CD163L1: variants seen among roughly 807,000 people sequenced by gnomAD.
CD163L1 encodes the protein CD163 molecule like 1.
Under a neutral mutation model 165.4 loss-of-function variants are expected in CD163L1, and 124 were observed. The ratio of observed to expected loss-of-function variants is 0.75; its 90% CI spans 0.65 to 0.87. The LOEUF is 0.87. CD163L1 is among the 40% of genes least tolerant of loss of function. The pLI is 0.00. For missense variants in CD163L1, 1,525 were observed against 1,799.9 expected (o/e 0.85, Z 2.76); for synonymous variants, 585 against 662.2 (o/e 0.88, Z 1.79).
At chr12:7,327,087 C>A in the CD163L1 span, 2 of 1,603,470 alleles carry the variant, frequency 1.2e-6, no homozygotes, top group South Asian at 1.1e-5. Context: ...TTACAAATAT[C>A]CAAGAAAGGC....
At chr12:7,357,984 T>C (rs1216027582) in intron 18 of CD163L1, among the ~76,000 whole-genome samples, 1 of 152,116 alleles carries the variant, frequency 6.6e-6, no homozygotes, top group Non-Finnish European at 1.5e-5. Context: ...GAACTTCTAG[T>C]TTCCCATGAA....
chr12:7,375,379 T>G lies in CD163L1; in HGVS notation c.2903A>C (p.His968Pro). 2.5e-6 allele frequency: 4 copies of G among 1,614,186 alleles called. No homozygotes were observed. The highest frequency in any genetic ancestry group is 3.4e-6 in the Non-Finnish European group (4 of 1,180,040). Residue 968 changes from histidine to proline, a missense_variant, in exon 11 of 20, where the codon CAT becomes CCT. His to Pro is a moderately conservative substitution (Grantham distance 77, BLOSUM62 -2). Transcript: ENST00000313599. The part of the protein sequence containing the change: ...RSVRVWGHRF[H>P]CLGNESLLDN... ...CAGAAGTGACTCATTCCCTAAGCAA[T>G]GAAACCTGTGTCCCCACACACGAAC...
rs747175872 is a variant in CD163L1 at position 7,374,449 on chromosome 12, G to A, written c.3402C>T (p.Ile1134=). 5 of 1,611,202 alleles carry A rather than the reference G, an allele frequency of 3.1e-6. No homozygotes were observed. The highest frequency in any genetic ancestry group is 4.2e-6 in the Non-Finnish European group (5 of 1,178,544). ...DCRHKEDAGV[I]CSEFTALRLY... is the part of the protein sequence containing the mutation. The stretch of plus-strand genomic sequence containing the variant: ...AAAGGTAGCAGCACAGACCTGAGCA[G>A]ATGACCCCTGCGTCCTCCTTGTGCC... Residue 1134 remains isoleucine, a synonymous_variant, in exon 13 of 20, where the codon ATC becomes ATT. Coordinates refer to ENST00000313599, the MANE Select transcript of CD163L1 (RefSeq NM_174941.6). The surrounding 1 kb of genome is among the most constrained non-coding windows in gnomAD (Gnocchi z 5.4).
chr12:7,357,328 C>G (rs1224335719), intron 19 of CD163L1, 52 bp downstream of exon 19: 1 of 1,158,412 alleles, frequency 8.6e-7, no homozygotes, highest in African/African-American at 1.5e-5. Flanking sequence ...AATTCTGCGA[C>G]AGTGGGAGAT....
intron 8 of CD163L1, among the ~76,000 whole-genome samples, chr12:7,379,772 T>C (rs760434822): frequency 2.6e-5 from 4 of 152,142 alleles, no homozygotes; most frequent in South Asian, 4.1e-4. Flanking sequence ...GAAACTTGCC[T>C]ATTAGTGATG....
intron 8 of CD163L1, among the ~76,000 whole-genome samples, chr12:7,388,393 C>A (rs1474765815): frequency 1.3e-5 from 2 of 152,052 alleles, no homozygotes; most frequent in Non-Finnish European, 2.9e-5. Context: ...TGCTAATATC[C>A]AGAATATTTT....
intron 4 of CD163L1, among the ~76,000 whole-genome samples, chr12:7,421,305 A>C (rs1188049283): frequency 1.7e-5 from 2 of 114,654 alleles, no homozygotes; most frequent in Non-Finnish European, 3.5e-5. Flanking sequence ...ATATATGTAT[A>C]TATACATTTG....
chr12:7,330,621 C>G, the CD163L1 span, among the ~76,000 whole-genome samples: 1 of 152,104 alleles, frequency 6.6e-6, no homozygotes, highest in Non-Finnish European at 1.5e-5. Context: ...TCAGGCTGAG[C>G]AAATTTAGAG....
intron 6 of CD163L1, among the ~76,000 whole-genome samples, chr12:7,401,576 G>A (rs1204939974): frequency 6.6e-6 from 1 of 152,094 alleles, no homozygotes. Flanking sequence ...GCAAAAATTT[G>A]AAAACCTTTT....
intron 4 of CD163L1, among the ~76,000 whole-genome samples, chr12:7,349,801 G>A (rs982485749): frequency 1.1e-4 from 17 of 152,172 alleles, no homozygotes; most frequent in African/African-American, 4.1e-4. Context: ...GGGGAAGACA[G>A]GATGTTTTCA....
chr12:7,439,072 A>G, intron 2 of CD163L1: 8 of 1,583,382 alleles, frequency 5.1e-6, no homozygotes, highest in Non-Finnish European at 6.8e-6. Flanking sequence ...TCTCAAAGCC[A>G]TGCTCCAGCC....
chr12:7,375,580 C>G lies in CD163L1; in HGVS notation c.2702G>C (p.Arg901Pro). Residue 901 changes from arginine to proline, a missense_variant, in exon 11 of 20, where the codon CGA (arginine) becomes CCA (proline). Transcript: ENST00000313599. ...ACACTGGGATTTGCCATTCACAAGT[C>G]GGACATCTGTATATCCTAGGAGGAG... Reference protein sequence around the residue: ...GVVCSRYTDVRLVNGKSQCDG... With the variant: ...GVVCSRYTDVPLVNGKSQCDG... 6.2e-7 allele frequency: 1 copy of G among 1,612,664 alleles called. No homozygotes were observed. Among genetic ancestry groups the G allele is most frequent in the Non-Finnish European group, 8.5e-7 (1 of 1,180,006 alleles).
In CD163L1 at chr12:7,396,421, C is replaced by T; in HGVS notation, c.1730-6G>A. The stretch of plus-strand genomic sequence containing the variant: ...CAGGCCCCATGTTGCATCACCTGCA[C>T]CAAGAACAATGAAGCAAGTAGTTAA... On this transcript the variant is annotated splice_region_variant and splice_polypyrimidine_tract_variant and intron_variant, in intron 7 of 19. Coordinates refer to ENST00000313599, the MANE Select transcript of CD163L1 (RefSeq NM_174941.6). 1 of 1,594,120 alleles carries T rather than the reference C, an allele frequency of 6.3e-7. No homozygotes were observed. The highest frequency in any genetic ancestry group is 8.6e-7 in the Non-Finnish European group (1 of 1,166,524).
At chr12:7,340,692 G>A in the CD163L1 span, among the ~76,000 whole-genome samples, 1 of 152,184 alleles carries the variant, frequency 6.6e-6, no homozygotes, top group African/African-American at 2.4e-5. Flanking sequence ...GGCTTTGTCT[G>A]AAGCTTTCCA....
chr12:7,384,716 G>A (rs1947480769), intron 8 of CD163L1, among the ~76,000 whole-genome samples: 1 of 151,974 alleles, frequency 6.6e-6, no homozygotes, highest in African/African-American at 2.4e-5. Context: ...AAAAATGAAG[G>A]AGATATAAGG....
At chr12:7,376,115 T>C (rs1947268406) in intron 9 of CD163L1, 101 bp from the exon 10 acceptor site, 2 of 990,732 alleles carry the variant, frequency 2.0e-6, no homozygotes, top group Non-Finnish European at 2.9e-6. Flanking sequence ...TCTCCATTCA[T>C]CATTAGAACA....
In CD163L1 at chr12:7,403,583, C is replaced by T. The variant is rs749811057; in HGVS notation, c.1360G>A (p.Ala454Thr). 13 of 1,613,894 alleles carry T rather than the reference C, an allele frequency of 8.1e-6. No individual in the cohort carries two copies. The highest frequency in any genetic ancestry group is 4.4e-5 in the South Asian group (4 of 91,058). Residue 454 changes from alanine (A) to threonine (T), a missense_variant, in exon 6 of 20, where the codon GCA becomes ACA. Coordinates refer to ENST00000313599, the MANE Select transcript of CD163L1 (RefSeq NM_174941.6). Reference sequence around the variant, plus strand: ...GATCTTCGGAAGCATGTTCGCTTTGCTTTTCCATCATATGTGCAGTCCCAG... The same window carrying T: ...GATCTTCGGAAGCATGTTCGCTTTGTTTTTCCATCATATGTGCAGTCCCAG... ...ALWDCTYDGK[A>T]KRTCFRRSDA...
At chr12:7,421,049 G>GTGTATATATGTA (rs1948350669) in intron 4 of CD163L1, among the ~76,000 whole-genome samples, 3 of 71,560 alleles carry the variant, frequency 4.2e-5, no homozygotes, top group African/African-American at 2.2e-4. Context: ...GTATATATAT[G>GTGTATATATGTA]TATATACGTA....
At chr12:7,331,159 G>A in the CD163L1 span, among the ~76,000 whole-genome samples, 1 of 152,234 alleles carries the variant, frequency 6.6e-6, no homozygotes, top group Admixed American at 6.5e-5. Flanking sequence ...GGCTCAGAGG[G>A]TCCTACGCCC....
Sources: gnomAD v4.1 joint callset for allele counts (sites outside exome capture counted in the v4.1 genomes callset) on GRCh38, gnomAD v4.1.1 for gene constraint, Gnocchi (gnomAD v3.1) non-coding constraint, MANE v1.5 for transcripts, NCBI Gene and HGNC (gene_info 2026-07-23, HGNC 2026-07-21) for gene names.